The following DNMBP variants were observed in gnomAD, a reference collection of about 807,000 sequenced individuals.
The protein encoded by DNMBP is dynamin-binding protein.
Under a neutral mutation model 150.0 loss-of-function variants are expected in DNMBP, and 87 were observed. The observed-to-expected ratio is 0.58, with a 90% CI of 0.49 to 0.69. The LOEUF (loss-of-function observed/expected upper bound fraction) is 0.69, where lower values mean the gene tolerates loss of function less well. DNMBP is among the 30% of genes least tolerant of loss of function. The pLI is 0.00. For missense variants in DNMBP, 1,774 were observed against 1,949.0 expected, an observed-to-expected ratio of 0.91 and a Z score of 1.69; for synonymous variants, 711 against 750.4, an observed-to-expected ratio of 0.95 and a Z score of 0.86.
intron 1 of DNMBP, among the ~76,000 whole-genome samples, chr10:100,006,400 C>T (rs2041071507): frequency 6.6e-6 from 1 of 152,098 alleles, no homozygotes; most frequent in African/African-American, 2.4e-5. Flanking sequence ...CTAGAGAGGG[C>T]CCAGTTATTT....
Position 99,952,480 on chromosome 10 carries a change from T to C in DNMBP, c.2260+2734A>G, listed in dbSNP as rs2040435726. Among the ~76,000 whole-genome samples the C allele has an allele frequency of 2.0e-5, 3 of 152,256 alleles. No homozygotes were observed. The South Asian group carries it at 6.2e-4, about 32-fold the overall frequency. ...AGTACTCATATTAAATGAACACCTT[T>C]TTGAGGACTTGTCTAAGCATCTACT... is the stretch of plus-strand genomic sequence containing the variant. On this transcript the variant is annotated intron_variant, in intron 4 of 16. Coordinates refer to ENST00000324109, the MANE Select transcript of DNMBP (RefSeq NM_015221.4).
intron 5 of DNMBP, among the ~76,000 whole-genome samples, chr10:99,908,497 G>C (rs1003068674): frequency 3.9e-5 from 6 of 152,168 alleles, no homozygotes; most frequent in Non-Finnish European, 8.8e-5. Context: ...ATAAACCCCA[G>C]GACATTGTTA....
chr10:99,989,450 C>T (rs1265951434), intron 1 of DNMBP, among the ~76,000 whole-genome samples: 4 of 152,306 alleles, frequency 2.6e-5, no homozygotes, highest in African/African-American at 9.6e-5. Flanking sequence ...GTGGCTCACG[C>T]CTGTAATCCC....
intron 1 of DNMBP, among the ~76,000 whole-genome samples, chr10:99,979,659 A>G (rs988334824): frequency 1.3e-5 from 2 of 152,220 alleles, no homozygotes; most frequent in African/African-American, 4.8e-5. Context: ...GCTATAAACC[A>G]TATTTCCTTC....
Position 99,956,656 on chromosome 10 carries a change from A to G in DNMBP, c.818T>C (p.Leu273Pro). 1.2e-6 allele frequency: 2 copies of G among 1,613,872 alleles called. No homozygotes were observed. The highest frequency in any genetic ancestry group is 1.7e-6 in the Non-Finnish European group (2 of 1,179,804). Residue 273 changes from leucine (L) to proline (P), a missense_variant, in exon 4 of 17, where the codon CTG becomes CCG. Leu to Pro is a moderately conservative substitution (Grantham distance 98, BLOSUM62 -3). Coordinates refer to ENST00000324109, the MANE Select transcript of DNMBP (RefSeq NM_015221.4). The stretch of plus-strand genomic sequence containing the variant: ...CAGCCAGCCATCTTCCAAGGTCGCC[A>G]GAATTCGGATTTTATCCCCGACCTC... The part of the protein sequence containing the change: ...DFEVGDKIRI[L>P]ATLEDGWLEG...
intron 4 of DNMBP, among the ~76,000 whole-genome samples, chr10:99,922,253 G>C (rs2040030373): frequency 1.3e-5 from 2 of 152,128 alleles, no homozygotes; most frequent in African/African-American, 4.8e-5. Context: ...GATATTGCAA[G>C]TTAGTTGCTT....
rs750097671 is a variant in DNMBP, at chr10:99,956,007, T to C, written c.1467A>G (p.Val489=). Residue 489 remains valine (V), a synonymous_variant, in exon 4 of 17, where the codon GTA becomes GTG. Coordinates refer to ENST00000324109, the MANE Select transcript of DNMBP (RefSeq NM_015221.4). ...GAGGACTTGATTGTCTGGGTTTGACTACCCTTGAAGCTGAAACAGAAGAGC... is the reference window on the plus strand; with the variant it reads ...GAGGACTTGATTGTCTGGGTTTGACCACCCTTGAAGCTGAAACAGAAGAGC... ...YRGSSVSASR[V]VKPRQSSPQL... 6.2e-6 allele frequency: 10 copies of C among 1,614,190 alleles called. No individual in the cohort carries two copies. The highest frequency in any genetic ancestry group is 8.5e-6 in the Non-Finnish European group (10 of 1,180,038).
Position 99,955,377 on chromosome 10 carries a change from C to T in DNMBP, c.2097G>A (p.Glu699=), listed in dbSNP as rs1397926976. Residue 699 remains glutamate, a synonymous_variant, in exon 4 of 17, where the codon GAG becomes GAA. Coordinates refer to ENST00000324109, the MANE Select transcript of DNMBP (RefSeq NM_015221.4). ...SPCPLVLVRI[E]EMERDLDMYS... Reference sequence around the variant, plus strand: ...ACATATCCAAGTCCCGCTCCATTTCCTCAATCCTCACCAGCACTAAGGGGC... The same window carrying T: ...ACATATCCAAGTCCCGCTCCATTTCTTCAATCCTCACCAGCACTAAGGGGC... 1.2e-6 allele frequency: 2 copies of T among 1,614,090 alleles called. No individual in the cohort carries two copies. Among genetic ancestry groups the T allele is most frequent in the South Asian group, 1.1e-5 (1 of 91,092 alleles).
intron 15 of DNMBP, 92 bp downstream of exon 15, chr10:99,883,919 C>A: frequency 8.2e-7 from 1 of 1,220,678 alleles, no homozygotes; most frequent in Non-Finnish European, 1.2e-6. Context: ...ATACTTTTTG[C>A]TTTTTTTTCC....
intron 3 of DNMBP, chr10:99,958,027 A>T (rs7896767): frequency 6.6e-6 from 1 of 151,910 alleles, no homozygotes; most frequent in Non-Finnish European, 1.5e-5. Flanking sequence ...CCAGCTATTC[A>T]GGAGGCTGAG....
intron 4 of DNMBP, chr10:99,928,135 T>A (rs954971922): frequency 6.6e-6 from 1 of 152,120 alleles, no homozygotes; most frequent in African/African-American, 2.4e-5. Flanking sequence ...TAAAGCTGGG[T>A]TTGGTTTCAT....
chr10:99,940,415 C>T (rs959473914), intron 4 of DNMBP, among the ~76,000 whole-genome samples: 1 of 152,128 alleles, frequency 6.6e-6, no homozygotes, highest in Non-Finnish European at 1.5e-5. Flanking sequence ...CTGCCTCCCA[C>T]CTTTAACAAT....
At position 99,951,995 on chromosome 10, in the gene DNMBP, G is replaced by A. The variant is rs150878791; in HGVS notation, c.2260+3219C>T. On this transcript the variant is annotated intron_variant, in intron 4 of 16. Transcript: ENST00000324109. The stretch of plus-strand genomic sequence containing the variant: ...TTCCTATGTGTTGTGGGAGGGAGCC[G>A]GTGGGAGATAATTGAATCATGGGGG... 8.2e-3 allele frequency among the ~76,000 whole-genome samples: 1,243 copies of A among 152,210 alleles called. 14 individuals carry two copies. The highest frequency in any genetic ancestry group is 0.044 in the Middle Eastern group (13 of 294).
intron 4 of DNMBP, among the ~76,000 whole-genome samples, chr10:99,942,875 A>C (rs1342872165): frequency 9.2e-5 from 14 of 152,238 alleles, no homozygotes; most frequent in Non-Finnish European, 1.9e-4. Flanking sequence ...TTACTGAGCC[A>C]AAAGCCTCAA....
intron 4 of DNMBP, among the ~76,000 whole-genome samples, chr10:99,913,567 G>A (rs903205884): frequency 2.6e-5 from 4 of 152,144 alleles, no homozygotes; most frequent in African/African-American, 9.7e-5. Context: ...AAGGAGCTGG[G>A]ACTGTTGCAC....
intron 6 of DNMBP, among the ~76,000 whole-genome samples, chr10:99,903,946 G>A (rs1281317833): frequency 1.3e-5 from 2 of 150,508 alleles, no homozygotes; most frequent in South Asian, 2.1e-4. Flanking sequence ...CTGTAGAGAC[G>A]GGGTTTTCCC....
chr10:99,941,073 C>T (rs967612820), intron 4 of DNMBP, among the ~76,000 whole-genome samples: 4 of 152,052 alleles, frequency 2.6e-5, no homozygotes, highest in Non-Finnish European at 4.4e-5. Flanking sequence ...TTAGTAGTGA[C>T]GGGGTTTCAC....
intron 4 of DNMBP, among the ~76,000 whole-genome samples, chr10:99,936,600 A>G (rs1247405081): frequency 6.6e-6 from 1 of 150,728 alleles, no homozygotes; most frequent in East Asian, 2.0e-4. Flanking sequence ...CTGCAGGCTC[A>G]AACAATCCAT....
chr10:99,990,798 CACATATATACACATATAT>C (rs2040880778), intron 1 of DNMBP, among the ~76,000 whole-genome samples: 1 of 104,348 alleles, frequency 9.6e-6, no homozygotes, highest in African/African-American at 4.1e-5. Context: ...CATATATACA[CACATATATACACATATAT>C]ATATATACAC....
Sources: allele counts gnomAD v4.1 joint callset (sites outside exome capture counted in the v4.1 genomes callset), GRCh38; gene constraint gnomAD v4.1.1; transcripts MANE v1.5; gene names NCBI Gene and HGNC (gene_info 2026-07-23, HGNC 2026-07-21).